POR: variants seen among roughly 807,000 people sequenced by gnomAD.
The protein encoded by POR is cytochrome p450 oxidoreductase.
Under a neutral mutation model 84.0 loss-of-function variants are expected in POR, and 56 were observed. The ratio of observed to expected loss-of-function variants is 0.67; its 90% CI spans 0.54 to 0.83. The LOEUF (loss-of-function observed/expected upper bound fraction) is 0.83, where lower values mean the gene tolerates loss of function less well. POR is among the 40% of genes least tolerant of loss of function. POR has a pLI of 0.00. For synonymous variants in POR, 414 were observed against 400.5 expected (o/e 1.03, Z -0.40); for missense variants, 938 against 944.3 (o/e 0.99, Z 0.09).
At chr7:75,936,197 G>C (rs1032621050) in intron 1 of POR, among the ~76,000 whole-genome samples, 1 of 146,992 alleles carries the variant, frequency 6.8e-6, no homozygotes, top group African/African-American at 2.5e-5. Flanking sequence ...TCTAACTCCC[G>C]GGCTTAAGTA....
chr7:75,919,859 G>A (rs1806767376), intron 1 of POR, among the ~76,000 whole-genome samples: 1 of 152,162 alleles, frequency 6.6e-6, no homozygotes, highest in Middle Eastern at 3.4e-3. Context: ...TGGATAGGGG[G>A]ATATCTAAGA....
chr7:75,985,847 AGGGTGAGTGGGGTCCCAT>A lies in POR; in HGVS notation c.1669+2_1669+19del. The A allele has an allele frequency of 6.5e-7, 1 of 1,550,340 alleles. No homozygotes were observed. The highest frequency in any genetic ancestry group is 1.2e-5 in the South Asian group (1 of 83,640). On this transcript the variant is annotated splice_donor_variant and splice_donor_5th_base_variant and coding_sequence_variant and intron_variant, in exon 13 of 16. Coordinates refer to ENST00000461988, the MANE Select transcript of POR (RefSeq NM_000941.3). LOFTEE classifies it high-confidence loss of function. ...CAGGAGCGGGCCTGGCTGCGACAGC[AGGGTGAGTGGGGTCCCAT>A]GGGGGAGAGGGGGTGACGACTGGGA...
At chr7:75,973,786 A>C (rs376344504) in intron 3 of POR, among the ~76,000 whole-genome samples, 1 of 135,324 alleles carries the variant, frequency 7.4e-6, no homozygotes, top group African/African-American at 2.8e-5. Flanking sequence ...GGTTCAAGTG[A>C]TTCTCCCGCA....
intron 2 of POR, among the ~76,000 whole-genome samples, chr7:75,964,024 G>C (rs142663271): frequency 0.045 from 6,714 of 150,226 alleles, 498 homozygotes; most frequent in African/African-American, 0.16. Flanking sequence ...TTTTGAGATG[G>C]AGTCTTACTC....
intron 2 of POR, among the ~76,000 whole-genome samples, chr7:75,972,008 G>A (rs1554556221): frequency 1.3e-5 from 2 of 152,182 alleles, no homozygotes; most frequent in Middle Eastern, 3.4e-3. Context: ...AGGAAGAGGT[G>A]AAGAGGTGGA....
intron 1 of POR, chr7:75,923,187 C>A: frequency 8.7e-7 from 1 of 1,151,000 alleles, no homozygotes; most frequent in Non-Finnish European, 1.3e-6. Context: ...AAGCCAAGGT[C>A]AAGAATAAGA....
intron 1 of POR, among the ~76,000 whole-genome samples, chr7:75,934,591 T>G (rs1412874969): frequency 6.6e-6 from 1 of 152,150 alleles, no homozygotes; most frequent in African/African-American, 2.4e-5. Flanking sequence ...AAAAAAGGCC[T>G]TGAAGGCATT....
At chr7:75,937,550 A>AG (rs1320834900) in intron 1 of POR, among the ~76,000 whole-genome samples, 1 of 145,608 alleles carries the variant, frequency 6.9e-6, no homozygotes, top group Non-Finnish European at 1.5e-5. Context: ...TGGAAGGCTG[A>AG]GGGGGTGGAT....
At chr7:75,923,860 C>G in intron 1 of POR, among the ~76,000 whole-genome samples, 1 of 151,348 alleles carries the variant, frequency 6.6e-6, no homozygotes, top group Non-Finnish European at 1.5e-5. Flanking sequence ...TGTCCTCCAG[C>G]CTGGGCAACA....
chr7:75,972,534 A>G, intron 3 of POR, 73 bp downstream of exon 3: 1 of 1,396,016 alleles, frequency 7.2e-7, no homozygotes, highest in Non-Finnish European at 1.0e-6. Context: ...AGTCTAGCAG[A>G]CGGCTGGCGT....
At chr7:75,954,250 C>T (rs1051110176) in intron 2 of POR, 70 bp downstream of exon 2, 35 of 1,448,902 alleles carry the variant, frequency 2.4e-5, no homozygotes, top group Admixed American at 8.1e-5. Flanking sequence ...GTCCTGCATG[C>T]GGGCCTCAGG....
At chr7:75,943,733 C>T (rs567487515) in intron 1 of POR, 1 of 355,788 alleles carries the variant, frequency 2.8e-6, no homozygotes, top group African/African-American at 2.2e-5. Context: ...AAGTAAACAA[C>T]AACTGAAAAG....
At position 75,973,065 on chromosome 7, in the gene POR, C is replaced by T. The variant is rs370871452; in HGVS notation, c.237+604C>T. Reference sequence around the variant, plus strand: ...CTTGAACTCCTGACCTCAGGTGATCCGCCCGCCTCAGCCTCCCAAAGTGCT... The same window carrying T: ...CTTGAACTCCTGACCTCAGGTGATCTGCCCGCCTCAGCCTCCCAAAGTGCT... On this transcript the variant is annotated intron_variant, in intron 3 of 15. Transcript: ENST00000461988. Among the ~76,000 whole-genome samples the T allele has an allele frequency of 3.9e-5, 6 of 152,200 alleles. No homozygotes were observed. In the South Asian group the frequency reaches 8.3e-4, roughly 21 times the overall value.
At chr7:75,979,857 A>C in intron 4 of POR, 1 of 432,038 alleles carries the variant, frequency 2.3e-6, no homozygotes, top group Non-Finnish European at 4.2e-6. Flanking sequence ...CACATCTCCC[A>C]AACCAAACCC....
chr7:75,945,083 C>T (rs1787117564), intron 1 of POR, among the ~76,000 whole-genome samples: 2 of 152,100 alleles, frequency 1.3e-5, no homozygotes, highest in African/African-American at 4.8e-5. Context: ...GAGTTCATTA[C>T]CAGACTGGGC....
intron 10 of POR, among the ~76,000 whole-genome samples, chr7:75,984,358 C>T (rs1400607108): frequency 2.0e-5 from 3 of 152,186 alleles, no homozygotes; most frequent in Admixed American, 6.5e-5. Context: ...TCGGACCCCA[C>T]TGGTCACCAA....
At chr7:75,936,926 A>T (rs1437406819) in intron 1 of POR, among the ~76,000 whole-genome samples, 1 of 146,304 alleles carries the variant, frequency 6.8e-6, no homozygotes, top group African/African-American at 2.5e-5. Flanking sequence ...TCCCGGGTTC[A>T]TGCCATTCTC....
chr7:75,969,689 CAG>C (rs1199118645), intron 2 of POR, among the ~76,000 whole-genome samples: 2 of 152,200 alleles, frequency 1.3e-5, no homozygotes, highest in Non-Finnish European at 2.9e-5. Context: ...GGTCAGACCT[CAG>C]AGGTGGCTAG....
chr7:75,982,094 C>A (rs1271947045), intron 7 of POR, 130 bp from the exon 8 acceptor site: 1 of 705,122 alleles, frequency 1.4e-6, no homozygotes, highest in South Asian at 1.5e-5. Flanking sequence ...AGGGGCTCCC[C>A]TGCTTCTTGT....
Sources: gnomAD v4.1 joint callset for allele counts (sites outside exome capture counted in the v4.1 genomes callset) on GRCh38, gnomAD v4.1.1 for gene constraint, MANE v1.5 for transcripts, NCBI Gene and HGNC (gene_info 2026-07-23, HGNC 2026-07-21) for gene names.